Variants in RAP1A observed in about 807,000 individuals in gnomAD.
RAP1A encodes ras-related protein Rap-1A.
A neutral mutation model predicts 26.4 loss-of-function variants in RAP1A; 6 were observed. The observed-to-expected ratio is 0.23, with a 90% CI of 0.12 to 0.45. The LOEUF (loss-of-function observed/expected upper bound fraction) is 0.45, where lower values mean the gene tolerates loss of function less well. Ranked by LOEUF, RAP1A falls within the 20% of genes least tolerant of loss-of-function variation. The pLI is 0.99. For synonymous variants in RAP1A, 73 were observed against 79.4 expected, an observed-to-expected ratio of 0.92 and a Z score of 0.43; for missense variants, 121 against 217.2, an observed-to-expected ratio of 0.56 and a Z score of 2.78.
intron 1 of RAP1A, among the ~76,000 whole-genome samples, chr1:111,642,765 G>A (rs1659934026): frequency 6.6e-6 from 1 of 150,864 alleles, no homozygotes; most frequent in Non-Finnish European, 1.5e-5. Context: ...GGGATTACAG[G>A]CGTGAGCCGC....
chr1:111,596,464 T>C (rs4839152), intron 1 of RAP1A, among the ~76,000 whole-genome samples: 27,412 of 152,216 alleles, frequency 0.18, 2,636 homozygotes, highest in East Asian at 0.26. Context: ...TAAGAGTCTG[T>C]TTTCCCACTA....
intron 1 of RAP1A, among the ~76,000 whole-genome samples, chr1:111,560,152 A>T (rs541075133): frequency 6.6e-6 from 1 of 152,334 alleles, no homozygotes; most frequent in Non-Finnish European, 1.5e-5. Context: ...ATTGTCTAGC[A>T]TTCTCTTAGC....
chr1:111,610,435 A>G (rs1658903866), intron 1 of RAP1A, among the ~76,000 whole-genome samples: 1 of 152,128 alleles, frequency 6.6e-6, no homozygotes, highest in South Asian at 2.1e-4. Context: ...AGTTTTATAC[A>G]CAAAGTTTGC....
At chr1:111,654,648 A>T (rs1219031344) in intron 1 of RAP1A, among the ~76,000 whole-genome samples, 1 of 151,960 alleles carries the variant, frequency 6.6e-6, no homozygotes, top group Non-Finnish European at 1.5e-5. Context: ...TGCACATAAT[A>T]AGTCCTCAGT....
chr1:111,588,542 T>C (rs2247867), intron 1 of RAP1A, among the ~76,000 whole-genome samples: 137,043 of 152,202 alleles, frequency 0.9, 61,952 homozygotes, highest in African/African-American at 0.96. Flanking sequence ...TCTTATTCCA[T>C]CAGGTACCTC....
intron 1 of RAP1A, among the ~76,000 whole-genome samples, chr1:111,684,061 C>A (rs1015657078): frequency 1.3e-5 from 2 of 152,140 alleles, no homozygotes; most frequent in Non-Finnish European, 2.9e-5. Flanking sequence ...TGACAAAAAA[C>A]ACAAGATTAT....
At chr1:111,571,582 G>A (rs907311275) in intron 1 of RAP1A, among the ~76,000 whole-genome samples, 7 of 152,216 alleles carry the variant, frequency 4.6e-5, no homozygotes, top group African/African-American at 1.7e-4. Flanking sequence ...ACTTGAACAA[G>A]AGACTAAAAC....
At chr1:111,675,010 A>T (rs1661080914) in intron 1 of RAP1A, among the ~76,000 whole-genome samples, 1 of 152,032 alleles carries the variant, frequency 6.6e-6, no homozygotes, top group Non-Finnish European at 1.5e-5. Flanking sequence ...ATAAAATATG[A>T]GCTCTTTAAC....
At chr1:111,703,087 T>A (rs947929672) in intron 4 of RAP1A, among the ~76,000 whole-genome samples, 1 of 152,174 alleles carries the variant, frequency 6.6e-6, no homozygotes, top group Non-Finnish European at 1.5e-5. Context: ...GATCTGTTTC[T>A]AAAAAATTAT....
chr1:111,567,776 C>G, intron 1 of RAP1A, among the ~76,000 whole-genome samples: 1 of 152,182 alleles, frequency 6.6e-6, no homozygotes, highest in East Asian at 1.9e-4. Context: ...AAGGCCTTGC[C>G]AGAACATACT....
intron 1 of RAP1A, among the ~76,000 whole-genome samples, chr1:111,613,325 G>T (rs1171477404): frequency 6.6e-6 from 1 of 151,758 alleles, no homozygotes; most frequent in African/African-American, 2.4e-5. Context: ...TCAGCCTCCC[G>T]AGTAGCTGGG....
At chr1:111,578,390 T>C (rs950382359) in intron 1 of RAP1A, among the ~76,000 whole-genome samples, 3 of 152,086 alleles carry the variant, frequency 2.0e-5, no homozygotes, top group Non-Finnish European at 2.9e-5. Context: ...ACTTAGAAGT[T>C]TGGGCAATGA....
chr1:111,594,478 CGGAA>C (rs10633362), intron 1 of RAP1A, among the ~76,000 whole-genome samples: 6 of 133,502 alleles, frequency 4.5e-5, no homozygotes, highest in Non-Finnish European at 6.2e-5. Context: ...AGACAAAAAA[CGGAA>C]GGAAGGAAGG....
In RAP1A at chr1:111,705,450, A is replaced by G. The variant is rs562562805; in HGVS notation, c.468+964A>G. ...TGCTTATAGACTATTTGACTTTTAA[A>G]AATGACCAGGTTACTTTAAACACCT... On this transcript the variant is annotated intron_variant, in intron 6 of 7. Transcript: ENST00000369709. 2.0e-5 allele frequency among the ~76,000 whole-genome samples: 3 copies of G among 152,298 alleles called. No individual in the cohort carries two copies. In the South Asian group the frequency reaches 6.2e-4, roughly 32 times the overall value.
chr1:111,559,367 T>C (rs977270141), intron 1 of RAP1A, among the ~76,000 whole-genome samples: 27 of 152,164 alleles, frequency 1.8e-4, no homozygotes, highest in Non-Finnish European at 1.5e-4. Flanking sequence ...CTATTAGGCA[T>C]TTACGATTCA....
intron 1 of RAP1A, among the ~76,000 whole-genome samples, chr1:111,613,685 C>A (rs932980631): frequency 8.5e-5 from 13 of 152,176 alleles, no homozygotes; most frequent in African/African-American, 2.9e-4. Flanking sequence ...CTGGTCCATG[C>A]CCTGATTCAC....
At position 111,601,758 on chromosome 1, in the gene RAP1A, A is replaced by G. The variant is rs570381556; in HGVS notation, c.-28+59249A>G. 3.9e-5 allele frequency among the ~76,000 whole-genome samples: 6 copies of G among 152,290 alleles called. No individual in the cohort carries two copies. In the East Asian group the frequency reaches 1.2e-3, roughly 29 times the overall value. ...GTTTCTTAGCCTTTTTGTGCCTTTC[A>G]TTTGTAAAAAAGAGAAAATAATAAT... On this transcript the variant is annotated intron_variant, in intron 1 of 7. Transcript: ENST00000356415.
At chr1:111,686,325 A>G (rs1661476525) in intron 1 of RAP1A, among the ~76,000 whole-genome samples, 1 of 152,142 alleles carries the variant, frequency 6.6e-6, no homozygotes, top group Non-Finnish European at 1.5e-5. Context: ...TTGGCTAGGC[A>G]TGGTGGTTCA....
At chr1:111,590,485 G>C (rs1210053036) in intron 1 of RAP1A, among the ~76,000 whole-genome samples, 4 of 152,040 alleles carry the variant, frequency 2.6e-5, no homozygotes, top group Non-Finnish European at 5.9e-5. Flanking sequence ...AATGTTTACT[G>C]TGAATTAAAT....
Sources: allele counts gnomAD v4.1 joint callset (sites outside exome capture counted in the v4.1 genomes callset), GRCh38; gene constraint gnomAD v4.1.1; transcripts MANE v1.5; gene names NCBI Gene and HGNC (gene_info 2026-07-23, HGNC 2026-07-21).